Variants in IDO2 observed in about 807,000 individuals in gnomAD.
IDO2 encodes indoleamine 2,3-dioxygenase-like 1 protein.
A neutral mutation model predicts 45.1 loss-of-function variants in IDO2; 46 were observed. The ratio of observed to expected loss-of-function variants is 1.02; its 90% CI spans 0.80 to 1.30. The LOEUF (loss-of-function observed/expected upper bound fraction) is 1.30. IDO2 is among the 50% of genes most tolerant of loss of function. IDO2 has a pLI of 0.00. For missense variants in IDO2, 544 were observed against 491.8 expected (o/e 1.11, Z -1.00); for synonymous variants, 218 against 184.9 (o/e 1.18, Z -1.45).
intron 1 of IDO2, among the ~76,000 whole-genome samples, chr8:39,944,149 A>G (rs72612137): frequency 0.044 from 6,692 of 152,286 alleles, 389 homozygotes; most frequent in East Asian, 0.24. Context: ...GTATGGATAC[A>G]TAAGCATTCA....
At chr8:40,009,068 G>C (rs539384856) in intron 9 of IDO2, among the ~76,000 whole-genome samples, 5 of 151,944 alleles carry the variant, frequency 3.3e-5, no homozygotes, top group Non-Finnish European at 7.4e-5. Flanking sequence ...AGGCTGGAGC[G>C]CAATGGCGCA....
chr8:40,013,526 C>T (rs57431511), intron 9 of IDO2, 39 bp from the exon 10 acceptor site: 103,929 of 1,589,542 alleles, frequency 0.065, 4,495 homozygotes, highest in East Asian at 0.24. Flanking sequence ...CATTACCTCC[C>T]TGCACCCCTT....
intron 2 of IDO2, among the ~76,000 whole-genome samples, chr8:39,956,250 C>T (rs548266671): frequency 5.3e-5 from 8 of 151,838 alleles, no homozygotes; most frequent in African/African-American, 1.7e-4. Context: ...TTAGTAAAGA[C>T]GGGATTTCCC....
chr8:39,945,246 G>A (rs1585395040), intron 1 of IDO2, among the ~76,000 whole-genome samples: 1 of 152,214 alleles, frequency 6.6e-6, no homozygotes, highest in East Asian at 1.9e-4. Context: ...TGCTGAATGG[G>A]GTGACCAAAT....
intron 2 of IDO2, among the ~76,000 whole-genome samples, chr8:39,957,860 G>A (rs962182234): frequency 6.6e-6 from 1 of 151,898 alleles, no homozygotes; most frequent in African/African-American, 2.4e-5. Flanking sequence ...TGTTAATATT[G>A]TCACCCAAGT....
chr8:40,011,356 G>A (rs1802308496), intron 9 of IDO2, among the ~76,000 whole-genome samples: 1 of 152,192 alleles, frequency 6.6e-6, no homozygotes, highest in African/African-American at 2.4e-5. Context: ...AGCCCCAAAT[G>A]ACTACATAAG....
chr8:40,011,035 C>T (rs531375050), intron 9 of IDO2, among the ~76,000 whole-genome samples: 87 of 152,232 alleles, frequency 5.7e-4, no homozygotes, highest in Admixed American at 2.5e-3. Flanking sequence ...CTCAGCCTCC[C>T]GAGTAGCTGG....
At chr8:39,946,561 C>A (rs990855396) in intron 1 of IDO2, among the ~76,000 whole-genome samples, 1 of 152,138 alleles carries the variant, frequency 6.6e-6, no homozygotes, top group African/African-American at 2.4e-5. Context: ...GAGCCGAGAT[C>A]ATGCCACTGC....
At chr8:39,970,128 T>C (rs1808157198) in intron 3 of IDO2, among the ~76,000 whole-genome samples, 1 of 152,194 alleles carries the variant, frequency 6.6e-6, no homozygotes, top group East Asian at 1.9e-4. Flanking sequence ...AGCCACAACT[T>C]CCCTTAAACC....
At chr8:39,985,270 C>T in intron 5 of IDO2, 1 of 544,160 alleles carries the variant, frequency 1.8e-6, no homozygotes, top group South Asian at 2.5e-5. Context: ...TATTCTGGGG[C>T]TGGAATGTGA....
intron 4 of IDO2, among the ~76,000 whole-genome samples, chr8:39,982,077 G>T (rs957572826): frequency 3.9e-5 from 6 of 152,090 alleles, no homozygotes; most frequent in Non-Finnish European, 7.4e-5. Context: ...ATACCTAGGT[G>T]CACACACAGG....
intron 1 of IDO2, among the ~76,000 whole-genome samples, chr8:39,937,242 G>A (rs1585391091): frequency 6.6e-6 from 1 of 152,218 alleles, no homozygotes; most frequent in Non-Finnish European, 1.5e-5. Flanking sequence ...TATCATGCAG[G>A]TGGGATTATA....
At chr8:39,936,383 G>T (rs1003068733) in intron 1 of IDO2, among the ~76,000 whole-genome samples, 3 of 152,186 alleles carry the variant, frequency 2.0e-5, no homozygotes, top group Non-Finnish European at 2.9e-5. Context: ...AAAGATGGTA[G>T]CTTAAACATG....
intron 8 of IDO2, among the ~76,000 whole-genome samples, chr8:39,996,534 C>T (rs1802049172): frequency 1.3e-5 from 2 of 152,068 alleles, no homozygotes; most frequent in Non-Finnish European, 2.9e-5. Context: ...GGGGCCACTA[C>T]TGGTCTCCGC....
At chr8:40,016,382 G>A (rs1360249315) in exon 11 of IDO2, 5 of 384,700 alleles carry the variant, frequency 1.3e-5, no homozygotes. Context: ...AAATGTAAAT[G>A]CTTTTATTGA....
At chr8:39,949,239 A>G in exon 2 of IDO2, 1 of 1,599,422 alleles carries the variant, frequency 6.3e-7, no homozygotes, top group Non-Finnish European at 8.5e-7. Flanking sequence ...TCTGAAGAGT[A>G]TGGCTTTCTT....
intron 8 of IDO2, among the ~76,000 whole-genome samples, chr8:40,003,607 A>G (rs1802173517): frequency 6.6e-6 from 1 of 152,130 alleles, no homozygotes; most frequent in East Asian, 1.9e-4. Flanking sequence ...ACCTTGGTAA[A>G]CACTATTATT....
intron 4 of IDO2, among the ~76,000 whole-genome samples, chr8:39,982,173 C>G (rs1188170867): frequency 1.3e-5 from 2 of 151,926 alleles, no homozygotes; most frequent in Non-Finnish European, 2.9e-5. Flanking sequence ...ATCTATCTAT[C>G]TAGCTAGCTA....
At position 39,949,078 on chromosome 8, in the gene IDO2, A is replaced by T. The variant is rs146389838; in HGVS notation, c.-17-71A>T. ...CCTGAGACACTGCGCAACTAACTGG[A>T]ACCGAAGGATGGAACCTGGGTGTTT... is the stretch of plus-strand genomic sequence containing the variant. On this transcript the variant is annotated intron_variant, in intron 1 of 10. Coordinates refer to ENST00000502986, the Ensembl canonical transcript of IDO2. The T allele has an allele frequency of 1.8e-5, 27 of 1,538,290 alleles. No homozygotes were observed. In the East Asian group the frequency reaches 6.4e-4, roughly 36 times the overall value.
Sources: allele counts gnomAD v4.1 joint callset (sites outside exome capture counted in the v4.1 genomes callset), GRCh38; gene constraint gnomAD v4.1.1; transcripts MANE v1.5; gene names NCBI Gene and HGNC (gene_info 2026-07-23, HGNC 2026-07-21).